DERA: variants seen among roughly 807,000 people sequenced by gnomAD.
The protein encoded by DERA is deoxyribose-phosphate aldolase, also known as 2-deoxy-D-ribose 5-phosphate aldolase.
A neutral mutation model predicts 41.1 loss-of-function variants in DERA; 15 were observed. The ratio of observed to expected loss-of-function variants is 0.37; its 90% CI spans 0.24 to 0.56. DERA has a LOEUF of 0.56. Ranked by LOEUF, DERA falls within the 20% of genes least tolerant of loss-of-function variation. The pLI is 0.81. For missense variants in DERA, 396 were observed against 403.4 expected, an observed-to-expected ratio of 0.98 and a Z score of 0.16; for synonymous variants, 139 against 137.4, an observed-to-expected ratio of 1.01 and a Z score of -0.08.
intron 6 of DERA, among the ~76,000 whole-genome samples, chr12:15,997,865 C>G (rs1592042371): frequency 6.6e-6 from 1 of 152,068 alleles, no homozygotes; most frequent in African/African-American, 2.4e-5. Flanking sequence ...CAGATATAAG[C>G]CAAGAGAAAC....
chr12:16,032,458 T>G, intron 6 of DERA, 84 bp from the exon 7 acceptor site: 1 of 791,370 alleles, frequency 1.3e-6, no homozygotes, highest in East Asian at 3.0e-5. Flanking sequence ...GGAAAAAATT[T>G]ACACAACTCA....
chr12:15,968,086 C>CTTT (rs368286741), intron 5 of DERA, among the ~76,000 whole-genome samples: 1 of 141,870 alleles, frequency 7.0e-6, no homozygotes, highest in African/African-American at 2.6e-5. Flanking sequence ...TCTTCTTCTT[C>CTTT]TTTTTTTTTT....
intron 1 of DERA, among the ~76,000 whole-genome samples, chr12:15,929,192 C>T (rs1450470508): frequency 1.3e-5 from 2 of 152,240 alleles, no homozygotes; most frequent in African/African-American, 4.8e-5. Context: ...GTGGGTACAT[C>T]TAAGGACTCC....
intron 6 of DERA, among the ~76,000 whole-genome samples, chr12:15,997,497 A>G (rs1238517127): frequency 1.3e-5 from 2 of 152,232 alleles, no homozygotes. Context: ...TTGCTCAGCA[A>G]GGTGTTCGGT....
chr12:16,036,264 T>C lies in DERA; in HGVS notation c.783T>C (p.Ser261=), dbSNP rs1382307963. 4 of 1,613,500 alleles carry C rather than the reference T, an allele frequency of 2.5e-6. No homozygotes were observed. Among genetic ancestry groups the C allele is most frequent in the Middle Eastern group, 3.3e-4 (2 of 6,050 alleles). The change falls in exon 8 of 9, where the codon AGT becomes AGC. Residue 261 remains serine, a synonymous_variant. Coordinates refer to ENST00000428559, the MANE Select transcript of DERA (RefSeq NM_015954.4). The surrounding 1 kb of genome is among the most constrained non-coding windows in gnomAD (Gnocchi z 4.9). ...IGFKPAGGIR[S]AKDSLAWLSL... is the part of the protein sequence containing the mutation. The stretch of plus-strand genomic sequence containing the variant: ...TTAAACCAGCAGGAGGCATCCGCAG[T>C]GCAAAGGATTCCCTTGCTTGGCTCT...
rs1332596894 is a variant in DERA, at chr12:16,019,577, T to C, written c.638-12965T>C. On this transcript the variant is annotated intron_variant, in intron 6 of 8. Transcript: ENST00000428559. The surrounding 1 kb of genome is among the most constrained non-coding windows in gnomAD (Gnocchi z 4.4). The stretch of plus-strand genomic sequence containing the variant: ...TCACCTCCAACACAGACTTCTTAGA[T>C]GTATTCTTTCATTATTTGGTATGCC... Among the ~76,000 whole-genome samples the C allele has an allele frequency of 6.6e-6, 1 of 152,224 alleles. No individual in the cohort carries two copies. Among genetic ancestry groups the C allele is most frequent in the Non-Finnish European group, 1.5e-5 (1 of 68,046 alleles).
chr12:15,928,655 A>G lies in DERA; in HGVS notation c.31+17241A>G, dbSNP rs548469604. The stretch of plus-strand genomic sequence containing the variant: ...TGCTTTTCCCACCCCCGAGGTGTCT[A>G]CTTGGAGAGTTTCCCCTATTAAAAG... On this transcript the variant is annotated intron_variant, in intron 1 of 8. Coordinates refer to ENST00000428559, the MANE Select transcript of DERA (RefSeq NM_015954.4). This position sits in a 1 kb window ranked among gnomAD's most constrained non-coding sequence, Gnocchi z 4.6. Among the ~76,000 whole-genome samples, 3 of 152,116 alleles carry G rather than the reference A, an allele frequency of 2.0e-5. No homozygotes were observed. The highest frequency in any genetic ancestry group is 4.8e-5 in the African/African-American group (2 of 41,420).
At position 16,003,887 on chromosome 12, in the gene DERA, G is replaced by A. The variant is rs371885602; in HGVS notation, c.637+21451G>A. ...TGAGGAAGTTCATCCCAACCTGGAA[G>A]AGGAGAGAGGTGTTCTGGGTTGTAG... On this transcript the variant is annotated intron_variant, in intron 6 of 8. Transcript: ENST00000428559. This position sits in a 1 kb window ranked among gnomAD's most constrained non-coding sequence, Gnocchi z 4.8. Among the ~76,000 whole-genome samples the A allele has an allele frequency of 2.4e-4, 37 of 152,322 alleles. 1 individual carries two copies. In the East Asian group the frequency reaches 5.6e-3, roughly 23 times the overall value.
chr12:15,937,681 G>A (rs938454136), intron 1 of DERA, among the ~76,000 whole-genome samples: 7 of 152,110 alleles, frequency 4.6e-5, no homozygotes, highest in African/African-American at 1.7e-4. Context: ...TCCTTTGGTG[G>A]TTAACACTAA....
At position 16,000,219 on chromosome 12, in the gene DERA, T is replaced by A. The variant is rs1178447684; in HGVS notation, c.637+17783T>A. 6.6e-6 allele frequency among the ~76,000 whole-genome samples: 1 copy of A among 152,206 alleles called. No individual in the cohort carries two copies. The highest frequency in any genetic ancestry group is 1.5e-5 in the Non-Finnish European group (1 of 68,042). ...GAACCAGCGCCTCTGTTTCCATTTA[T>A]AAGACCTGCACCCGTTCATTCTATT... On this transcript the variant is annotated intron_variant, in intron 6 of 8. Coordinates refer to ENST00000428559, the MANE Select transcript of DERA (RefSeq NM_015954.4). The surrounding 1 kb of genome is among the most constrained non-coding windows in gnomAD (Gnocchi z 4.8).
intron 1 of DERA, among the ~76,000 whole-genome samples, chr12:15,917,651 T>A: frequency 6.6e-6 from 1 of 152,292 alleles, no homozygotes; most frequent in Non-Finnish European, 1.5e-5. Flanking sequence ...AACTTCTGAT[T>A]ACAAGTTTTT....
At chr12:16,031,693 G>A (rs562034709) in intron 6 of DERA, among the ~76,000 whole-genome samples, 2 of 152,192 alleles carry the variant, frequency 1.3e-5, no homozygotes, top group Non-Finnish European at 1.5e-5. Context: ...GTATTGTTTA[G>A]GCTAGATTAC....
At position 16,036,607 on chromosome 12, in the gene DERA, T is replaced by C. The variant is rs1592061587; in HGVS notation, c.901-83T>C. On this transcript the variant is annotated intron_variant, in intron 8 of 8. Coordinates refer to ENST00000428559, the MANE Select transcript of DERA (RefSeq NM_015954.4). The surrounding 1 kb of genome is among the most constrained non-coding windows in gnomAD (Gnocchi z 4.9). Reference sequence around the variant, plus strand: ...CTAATGAAATGTTCATTAAAACTATTTATTATTATTTGATAGTATAATTAT... The same window carrying C: ...CTAATGAAATGTTCATTAAAACTATCTATTATTATTTGATAGTATAATTAT... 7.2e-6 allele frequency: 8 copies of C among 1,115,508 alleles called. No individual in the cohort carries two copies. In the Admixed American group the frequency reaches 1.3e-4, roughly 19 times the overall value. The allele number at this position is 1,115,508 out of a possible 1,614,324, so 69.1% of individuals were successfully genotyped here.
chr12:15,934,035 A>T (rs1215374883), intron 1 of DERA, among the ~76,000 whole-genome samples: 2 of 152,210 alleles, frequency 1.3e-5, no homozygotes, highest in African/African-American at 4.8e-5. Context: ...TTGTACTAGG[A>T]TAAAGCACTG....
At chr12:15,991,130 A>C (rs1948799288) in intron 6 of DERA, among the ~76,000 whole-genome samples, 1 of 151,834 alleles carries the variant, frequency 6.6e-6, no homozygotes, top group Non-Finnish European at 1.5e-5. Flanking sequence ...TTATTTTTTG[A>C]CTTCTTAATT....
rs572424773 is a variant in DERA at position 16,015,177 on chromosome 12, G to A, written c.638-17365G>A. Among the ~76,000 whole-genome samples the A allele has an allele frequency of 2.8e-3, 428 of 152,246 alleles. 3 individuals carry two copies. Among genetic ancestry groups the A allele is most frequent in the African/African-American group, 9.2e-3 (381 of 41,540 alleles). ...TGAATTAAAACTTCGGGGGACTGTC[G>A]AGAAGGCATGATTGGTTTTGAAATG... On this transcript the variant is annotated intron_variant, in intron 6 of 8. Transcript: ENST00000428559.
At chr12:15,950,366 C>T (rs764253540) in intron 1 of DERA, among the ~76,000 whole-genome samples, 9 of 152,270 alleles carry the variant, frequency 5.9e-5, no homozygotes, top group Non-Finnish European at 1.3e-4. Context: ...TGTCATGGCA[C>T]TTGTGGGAGT....
chr12:15,923,017 C>CTTTTTT (rs1208644862), intron 1 of DERA, among the ~76,000 whole-genome samples: 19 of 104,428 alleles, frequency 1.8e-4, no homozygotes, highest in Non-Finnish European at 2.6e-4. Flanking sequence ...TTTGTTTTTG[C>CTTTTTT]TTTTTTTTTT....
intron 1 of DERA, among the ~76,000 whole-genome samples, chr12:15,948,763 G>A (rs903343902): frequency 3.9e-5 from 6 of 152,276 alleles, no homozygotes; most frequent in African/African-American, 1.2e-4. Flanking sequence ...CCTTTGGACG[G>A]GGAGAGGCAC....
Sources: gnomAD v4.1 joint callset for allele counts (sites outside exome capture counted in the v4.1 genomes callset) on GRCh38, gnomAD v4.1.1 for gene constraint, Gnocchi (gnomAD v3.1) non-coding constraint, MANE v1.5 for transcripts, NCBI Gene and HGNC (gene_info 2026-07-23, HGNC 2026-07-21) for gene names.